VPS13B: variants seen among roughly 807,000 people sequenced by gnomAD.
VPS13B encodes the protein vacuolar protein sorting 13 homolog B, also known as intermembrane lipid transfer protein VPS13B.
In VPS13B, 285 loss-of-function variants were observed where a neutral mutation model predicts 426.4. The ratio of observed to expected loss-of-function variants is 0.67; its 90% CI spans 0.61 to 0.74. The LOEUF (loss-of-function observed/expected upper bound fraction) is 0.74. Ranked by LOEUF, VPS13B falls within the 30% of genes least tolerant of loss-of-function variation. The pLI is 0.00. For missense variants in VPS13B, 4,537 were observed against 4,782.6 expected, an observed-to-expected ratio of 0.95 and a Z score of 1.51; for synonymous variants, 1,676 against 1,676.4, an observed-to-expected ratio of 1.00 and a Z score of 0.01.
intron 21 of VPS13B, among the ~76,000 whole-genome samples, chr8:99,425,503 C>A (rs1199314858): frequency 6.6e-6 from 1 of 152,068 alleles, no homozygotes; most frequent in Non-Finnish European, 1.5e-5. Context: ...AGGCCTTTGA[C>A]AAAATTCAAC....
chr8:99,273,150 A>G (rs977662730), intron 17 of VPS13B, among the ~76,000 whole-genome samples: 5 of 147,276 alleles, frequency 3.4e-5, no homozygotes, highest in Admixed American at 3.4e-4. Flanking sequence ...GAATTTGTTT[A>G]CTCAGGTAGT....
At chr8:99,251,189 T>A (rs577862347) in intron 17 of VPS13B, among the ~76,000 whole-genome samples, 19 of 152,294 alleles carry the variant, frequency 1.2e-4, no homozygotes, top group African/African-American at 4.6e-4. Context: ...TTTGCTAGAA[T>A]TCACAGCATT....
At chr8:99,744,641 TA>T (rs1283354136) in intron 39 of VPS13B, among the ~76,000 whole-genome samples, 4 of 152,202 alleles carry the variant, frequency 2.6e-5, no homozygotes, top group East Asian at 1.9e-4. Context: ...TATGCAGCCA[TA>T]AAAAATGATG....
intron 33 of VPS13B, among the ~76,000 whole-genome samples, chr8:99,582,755 A>T (rs552180170): frequency 3.5e-4 from 53 of 152,002 alleles, no homozygotes; most frequent in African/African-American, 1.3e-3. Flanking sequence ...TCCTGTGTTC[A>T]CGCCATTCTC....
chr8:99,178,474 TACTC>T (rs1812761684), intron 16 of VPS13B, among the ~76,000 whole-genome samples: 1 of 152,308 alleles, frequency 6.6e-6, no homozygotes, highest in Non-Finnish European at 1.5e-5. Context: ...AGTTTTTTGA[TACTC>T]ACAACCAACC....
chr8:99,403,935 G>A (rs1815189577), intron 21 of VPS13B, among the ~76,000 whole-genome samples: 1 of 152,200 alleles, frequency 6.6e-6, no homozygotes. Context: ...GACATGAGAT[G>A]CATAAGACAG....
At chr8:99,548,479 A>G in intron 30 of VPS13B, among the ~76,000 whole-genome samples, 1 of 152,080 alleles carries the variant, frequency 6.6e-6, no homozygotes, top group East Asian at 1.9e-4. Flanking sequence ...TCTTGCCTTA[A>G]TATTGCTTAA....
intron 19 of VPS13B, among the ~76,000 whole-genome samples, chr8:99,281,361 T>C (rs929538660): frequency 2.0e-5 from 3 of 152,212 alleles, no homozygotes; most frequent in African/African-American, 7.2e-5. Flanking sequence ...GTTTTTGCAC[T>C]TCTTGCGAAT....
intron 33 of VPS13B, among the ~76,000 whole-genome samples, chr8:99,590,173 C>G (rs1826547394): frequency 6.6e-6 from 1 of 152,100 alleles, no homozygotes; most frequent in African/African-American, 2.4e-5. Flanking sequence ...TCTGTGGGAT[C>G]AGTGGTGATA....
At chr8:99,081,479 G>T (rs890381305) in intron 3 of VPS13B, among the ~76,000 whole-genome samples, 1 of 151,800 alleles carries the variant, frequency 6.6e-6, no homozygotes, top group African/African-American at 2.4e-5. Flanking sequence ...CAACGTGCAG[G>T]TTTGTTACAT....
rs544393196 is a variant in VPS13B, at chr8:99,398,084, A to G, written c.3082+6380A>G. ...TAAAAATATTTTCCTTTTAGTATGCACATCACAAGACAAAGCTGGTTAAAA... is the reference window on the plus strand; with the variant it reads ...TAAAAATATTTTCCTTTTAGTATGCGCATCACAAGACAAAGCTGGTTAAAA... On this transcript the variant is annotated intron_variant, in intron 21 of 61. Coordinates refer to ENST00000357162, the MANE Select transcript of VPS13B (RefSeq NM_152564.5). Among the ~76,000 whole-genome samples the G allele has an allele frequency of 7.9e-5, 12 of 152,350 alleles. No individual in the cohort carries two copies. In the East Asian group the frequency reaches 2.3e-3, roughly 29 times the overall value.
chr8:99,436,392 C>A (rs1817376394), intron 22 of VPS13B, among the ~76,000 whole-genome samples: 1 of 151,744 alleles, frequency 6.6e-6, no homozygotes, highest in Non-Finnish European at 1.5e-5. Flanking sequence ...CTCATTTTTC[C>A]TTTTTTAATC....
chr8:99,428,455 C>T (rs1563724992), intron 21 of VPS13B, among the ~76,000 whole-genome samples: 1 of 150,642 alleles, frequency 6.6e-6, no homozygotes, highest in East Asian at 2.0e-4. Flanking sequence ...AAAACAACCC[C>T]ATCAAAAAGT....
intron 3 of VPS13B, among the ~76,000 whole-genome samples, chr8:99,086,211 A>C (rs1373150085): frequency 3.9e-5 from 6 of 151,956 alleles, no homozygotes; most frequent in Non-Finnish European, 8.8e-5. Flanking sequence ...CATTCATTTG[A>C]TCTCCCATCA....
At position 99,875,234 on chromosome 8, in the gene VPS13B, C is replaced by G. The variant is rs1817641481; in HGVS notation, c.11746-184C>G. On this transcript the variant is annotated intron_variant, in intron 61 of 61. Transcript: ENST00000357162. ...GTCTCATGCACAACTTTCAGTTATA[C>G]TGCTAAAACTGCATTGTTATCGTTG... is the stretch of plus-strand genomic sequence containing the variant. 6.2e-6 allele frequency: 5 copies of G among 811,244 alleles called. No individual in the cohort carries two copies. The South Asian group carries it at 8.0e-5, about 13-fold the overall frequency. 50.3% of individuals were successfully genotyped at this position (811,244 alleles called of 1,614,324 possible).
At chr8:99,377,298 C>T (rs991296436) in intron 19 of VPS13B, among the ~76,000 whole-genome samples, 6 of 152,254 alleles carry the variant, frequency 3.9e-5, no homozygotes, top group South Asian at 2.1e-4. Flanking sequence ...TTATCTCTCT[C>T]GAGCCCAATA....
intron 19 of VPS13B, among the ~76,000 whole-genome samples, chr8:99,315,426 G>T (rs1441675617): frequency 1.3e-5 from 2 of 148,940 alleles, no homozygotes; most frequent in Non-Finnish European, 3.0e-5. Flanking sequence ...GTCTATTATT[G>T]ACTCTTTCAA....
At chr8:99,379,934 A>G (rs771345952) in intron 19 of VPS13B, among the ~76,000 whole-genome samples, 11 of 152,200 alleles carry the variant, frequency 7.2e-5, no homozygotes, top group Non-Finnish European at 1.3e-4. Flanking sequence ...AGATTGAATT[A>G]TATATTCCTG....
chr8:99,447,277 G>A (rs1329587972), intron 23 of VPS13B, among the ~76,000 whole-genome samples: 1 of 152,136 alleles, frequency 6.6e-6, no homozygotes, highest in African/African-American at 2.4e-5. Context: ...ATGCCACTTA[G>A]ATAATAAAAA....
Sources: gnomAD v4.1 joint callset for allele counts (sites outside exome capture counted in the v4.1 genomes callset) on GRCh38, gnomAD v4.1.1 for gene constraint, MANE v1.5 for transcripts, NCBI Gene and HGNC (gene_info 2026-07-23, HGNC 2026-07-21) for gene names.